Variants in SHFL observed in about 807,000 individuals in gnomAD.
The protein encoded by SHFL is shiftless antiviral inhibitor of ribosomal frameshifting, also known as shiftless antiviral inhibitor of ribosomal frameshifting protein.
In SHFL, 12 loss-of-function variants were observed where a neutral mutation model predicts 34.7. The observed-to-expected ratio is 0.35, with a 90% CI of 0.22 to 0.56. SHFL has a LOEUF of 0.56. SHFL is among the 20% of genes least tolerant of loss of function. The probability of loss-of-function intolerance (pLI) is 0.88; values close to 1 mark genes in which losing one functional copy is unlikely to be tolerated. For synonymous variants in SHFL, 148 were observed against 156.0 expected (o/e 0.95, Z 0.38); for missense variants, 278 against 411.1 (o/e 0.68, Z 2.80).
rs868475159 is a variant in SHFL at position 10,086,857 on chromosome 19, G to A, written c.22-72G>A. On this transcript the variant is annotated intron_variant, in intron 1 of 7. Coordinates refer to ENST00000253110, the MANE Select transcript of SHFL (RefSeq NM_018381.4). The surrounding 1 kb of genome is among the most constrained non-coding windows in gnomAD (Gnocchi z 5.2). ...AGGGTCAAGTTCGGGCCGGGAGAACGGTGCCTAGAGATGGGGGAGGGATGA... is the reference window on the plus strand; with the variant it reads ...AGGGTCAAGTTCGGGCCGGGAGAACAGTGCCTAGAGATGGGGGAGGGATGA... The A allele has an allele frequency of 7.7e-6, 12 of 1,558,556 alleles. No homozygotes were observed. The African/African-American group carries it at 1.5e-4, about 19-fold the overall frequency.
chr19:10,089,483 G>C (rs1225400692), intron 3 of SHFL, 174 bp from the exon 4 acceptor site: 1 of 1,405,894 alleles, frequency 7.1e-7, no homozygotes, highest in Non-Finnish European at 9.9e-7. Context: ...TCTCAGGGCT[G>C]CTATGAGGAC....
rs1480363917 is a variant in SHFL, at chr19:10,091,513, G to A, written c.526G>A (p.Gly176Arg). 1.9e-6 allele frequency: 3 copies of A among 1,547,004 alleles called. No individual in the cohort carries two copies. The highest frequency in any genetic ancestry group is 1.2e-5 in the South Asian group (1 of 83,818). The change falls in exon 7 of 8, where the codon GGG (glycine) becomes AGG (arginine). Residue 176 changes from glycine (G) to arginine (R), a missense_variant. Around this residue, in one of 2 missense-constraint regions of SHFL, gnomAD observed 243 missense variants for 386.2 expected, o/e 0.63. Coordinates refer to ENST00000253110, the MANE Select transcript of SHFL (RefSeq NM_018381.4). This position sits in a 1 kb window ranked among gnomAD's most constrained non-coding sequence, Gnocchi z 8.2. ...AQMGSPSPCYGCGFPVYPTRI... is the reference protein window; with the variant it reads ...AQMGSPSPCYRCGFPVYPTRI... ...GATGGGGTCCCCGTCCCCCTGCTAC[G>A]GGTGCGGCTTCCCCGTGTATCCAAC...
At chr19:10,087,617 G>A (rs1181523396) in intron 3 of SHFL, 2 of 381,596 alleles carry the variant, frequency 5.2e-6, no homozygotes, top group Middle Eastern at 5.2e-4. Context: ...ACTGGAGGAG[G>A]AGGTACCAAG....
intron 3 of SHFL, chr19:10,087,562 G>A: frequency 1.8e-6 from 1 of 555,928 alleles, no homozygotes; most frequent in East Asian, 3.2e-5. Flanking sequence ...AAAGGAGCCA[G>A]GATTATTGCC....
chr19:10,086,817 C>A lies in SHFL; in HGVS notation c.22-112C>A. ...GGGATGAAAGGCGGGGGGGGGGCGG[C>A]GGAGGCCAAAACCAAGGGTCAAGTT... is the stretch of plus-strand genomic sequence containing the variant. On this transcript the variant is annotated intron_variant, in intron 1 of 7. Coordinates refer to ENST00000253110, the MANE Select transcript of SHFL (RefSeq NM_018381.4). This position sits in a 1 kb window ranked among gnomAD's most constrained non-coding sequence, Gnocchi z 5.2. 8.0e-7 allele frequency: 1 copy of A among 1,251,102 alleles called. No homozygotes were observed. The highest frequency in any genetic ancestry group is 1.1e-6 in the Non-Finnish European group (1 of 909,922). The allele number at this position is 1,251,102 out of a possible 1,614,324, so 77.5% of individuals were successfully genotyped here.
At chr19:10,089,147 C>G in intron 3 of SHFL, 1 of 667,208 alleles carries the variant, frequency 1.5e-6, no homozygotes, top group Admixed American at 2.8e-5. Flanking sequence ...TGCCAGCAAG[C>G]AGGGGCAGCT....
Position 10,092,713 on chromosome 19 carries a change from C to A in SHFL, c.*411C>A, listed in dbSNP as rs747825274. The A allele has an allele frequency of 6.2e-7, 1 of 1,613,978 alleles. No homozygotes were observed. The highest frequency in any genetic ancestry group is 1.1e-5 in the South Asian group (1 of 91,078). ...GTAGTGGCCGCCGTGGTGCCACACA[C>A]CGTTGAGGTTGGAGTGGGCACAGGC... On this transcript the variant is annotated 3_prime_UTR_variant, in exon 8 of 8. Transcript: ENST00000253110.
In SHFL at chr19:10,087,036, G is replaced by C; in HGVS notation, c.129G>C (p.Gly43=). 1.2e-6 allele frequency: 2 copies of C among 1,612,180 alleles called. No individual in the cohort carries two copies. The highest frequency in any genetic ancestry group is 1.7e-4 in the Middle Eastern group (1 of 6,050). ...TCGGCAGCGACCACACGGGAGTGGG[G>C]CGCTCCATCGTGTACGGTGAGGCTG... is the stretch of plus-strand genomic sequence containing the variant. ...RKFGSDHTGV[G]RSIVYGVKQK... The change falls in exon 2 of 8, where the codon GGG becomes GGC. Residue 43 remains glycine, a synonymous_variant. Transcript: ENST00000253110.
chr19:10,092,271 T>G lies in SHFL; in HGVS notation c.845T>G (p.Val282Gly), dbSNP rs1599278940. Residue 282 changes from valine (V) to glycine (G), a missense_variant, in exon 8 of 8, where the codon GTG becomes GGG. Physicochemically the swap from Val to Gly is moderately radical, Grantham distance 109. This residue lies in a region of SHFL where 35 missense variants were observed against 24.9 expected (regional missense o/e 1.41). Coordinates refer to ENST00000253110, the MANE Select transcript of SHFL (RefSeq NM_018381.4). ...GAGGAGGAGGAGGAAGAGGAGGAGG[T>G]GGAGGACGAGGAGGGCGGGCCCAGG... Reference protein sequence around the residue: ...LKEEEEEEEEVEDEEGGPRE With the variant: ...LKEEEEEEEEGEDEEGGPRE 2 of 1,597,624 alleles carry G rather than the reference T, an allele frequency of 1.3e-6. No homozygotes were observed. Among genetic ancestry groups the G allele is most frequent in the Non-Finnish European group, 1.7e-6 (2 of 1,172,542 alleles).
rs966736189 is a variant in SHFL at position 10,091,796 on chromosome 19, G to A, written c.643+166G>A. 4 of 1,098,670 alleles carry A rather than the reference G, an allele frequency of 3.6e-6. No homozygotes were observed. In the Admixed American group the frequency reaches 8.8e-5, roughly 24 times the overall value. 68.1% of individuals were successfully genotyped at this position (1,098,670 alleles called of 1,614,324 possible). A position where few individuals can be genotyped will look rare whatever the true frequency, so the allele number is the denominator to read the frequency against. On this transcript the variant is annotated intron_variant, in intron 7 of 7. Transcript: ENST00000253110. This position sits in a 1 kb window ranked among gnomAD's most constrained non-coding sequence, Gnocchi z 8.2. ...CGTGGTCTTGCCCAGGAGGCTCTGA[G>A]GTTTCACCCCAGTGGCCCGTGCCTG...
In SHFL at chr19:10,091,454, T is replaced by C; in HGVS notation, c.489-22T>C. On this transcript the variant is annotated intron_variant, in intron 6 of 7. Coordinates refer to ENST00000253110, the MANE Select transcript of SHFL (RefSeq NM_018381.4). The surrounding 1 kb of genome is among the most constrained non-coding windows in gnomAD (Gnocchi z 8.2). ...CTGGCCCAGCCTCGCCCTCGGACCCTCACAGCCCTGCCCGCCCCCAGGGGC... is the reference window on the plus strand; with the variant it reads ...CTGGCCCAGCCTCGCCCTCGGACCCCCACAGCCCTGCCCGCCCCCAGGGGC... The C allele has an allele frequency of 8.1e-7, 1 of 1,238,660 alleles. No homozygotes were observed. The highest frequency in any genetic ancestry group is 1.0e-6 in the Non-Finnish European group (1 of 958,196). 76.7% of individuals were successfully genotyped at this position (1,238,660 alleles called of 1,614,324 possible). A position where few individuals can be genotyped will look rare whatever the true frequency, so the allele number is the denominator to read the frequency against.
Position 10,092,199 on chromosome 19 carries a change from G to T in SHFL, c.773G>T (p.Gly258Val). The T allele has an allele frequency of 6.2e-7, 1 of 1,613,674 alleles. No individual in the cohort carries two copies. Among genetic ancestry groups the T allele is most frequent in the Non-Finnish European group, 8.5e-7 (1 of 1,179,732 alleles). The change falls in exon 8 of 8, where the codon GGT becomes GTT. Residue 258 changes from glycine (G) to valine (V), a missense_variant. By Grantham distance (109) the Gly-to-Val change is moderately radical (BLOSUM62 -3). Around this residue, in one of 2 missense-constraint regions of SHFL, gnomAD observed 243 missense variants for 386.2 expected, o/e 0.63. Coordinates refer to ENST00000253110, the MANE Select transcript of SHFL (RefSeq NM_018381.4). The stretch of plus-strand genomic sequence containing the variant: ...ACTGTGGCCACCTGCTTGAGCCAGG[G>T]TGGCCTCCTGGAAGACCTGGACAAC... ...GSTVATCLSQ[G>V]GLLEDLDNLI...
In SHFL at chr19:10,089,740, A is replaced by T. The variant is rs920844719; in HGVS notation, c.234+45A>T. 4 of 1,576,550 alleles carry T rather than the reference A, an allele frequency of 2.5e-6. No individual in the cohort carries two copies. The Admixed American group carries it at 5.6e-5, about 22-fold the overall frequency. On this transcript the variant is annotated intron_variant, in intron 4 of 7. Transcript: ENST00000253110. ...TTGGGATGGGGGAGTTGGGAGGGGG[A>T]CATCTGCAGGCACAGAAGGATGTCC...
chr19:10,090,137 T>C, intron 5 of SHFL, 90 bp downstream of exon 5: 1 of 1,399,456 alleles, frequency 7.1e-7, no homozygotes, highest in East Asian at 2.5e-5. Context: ...GACCTAAGGA[T>C]TTCAATCACT....
At chr19:10,087,195 TG>T in intron 2 of SHFL, 55 bp from the exon 3 acceptor site, 1 of 1,609,572 alleles carries the variant, frequency 6.2e-7, no homozygotes. Flanking sequence ...CTGGGTGGCC[TG>T]GAACTCCCAC....
Position 10,092,122 on chromosome 19 carries a change from C to A in SHFL, c.696C>A (p.Asn232Lys), listed in dbSNP as rs765134418. ...SCAHPKSRKQ[N>K]HLPKVLHPSN... ...CTCACCCCAAGAGCCGGAAGCAGAACCACCTGCCCAAAGTGCTCCACCCCA... is the reference window on the plus strand; with the variant it reads ...CTCACCCCAAGAGCCGGAAGCAGAAACACCTGCCCAAAGTGCTCCACCCCA... Residue 232 changes from asparagine to lysine, a missense_variant, in exon 8 of 8, where the codon AAC becomes AAA. Asn to Lys is a moderately conservative substitution (Grantham distance 94). This residue lies in a region of SHFL where 243 missense variants were observed against 386.2 expected (regional missense o/e 0.63). Transcript: ENST00000253110. The A allele has an allele frequency of 1.2e-6, 2 of 1,613,698 alleles. No homozygotes were observed. The highest frequency in any genetic ancestry group is 1.7e-5 in the Admixed American group (1 of 59,914).
Position 10,086,738 on chromosome 19 carries a change from G to T in SHFL, c.22-191G>T, listed in dbSNP as rs1163620037. ...GGCTGGGACGCTCGCCCCAGTCCGCGCCTTCCCCCAACGCCCTGTGGGGAC... is the reference window on the plus strand; with the variant it reads ...GGCTGGGACGCTCGCCCCAGTCCGCTCCTTCCCCCAACGCCCTGTGGGGAC... On this transcript the variant is annotated intron_variant, in intron 1 of 7. Transcript: ENST00000253110. The surrounding 1 kb of genome is among the most constrained non-coding windows in gnomAD (Gnocchi z 5.2). 16 of 706,494 alleles carry T rather than the reference G, an allele frequency of 2.3e-5. No individual in the cohort carries two copies. The highest frequency in any genetic ancestry group is 2.8e-5 in the Non-Finnish European group (12 of 433,146). 43.8% of individuals were successfully genotyped at this position (706,494 alleles called of 1,614,324 possible). A position where few individuals can be genotyped will look rare whatever the true frequency, so the allele number is the denominator to read the frequency against.
Position 10,087,436 on chromosome 19 carries a change from C to G in SHFL, c.195+136C>G, listed in dbSNP as rs2145151324. ...CATTGTCGGTCCATAACTCATCACC[C>G]AATCTCACTTTTTCACCTCTCCATC... On this transcript the variant is annotated intron_variant, in intron 3 of 7. Coordinates refer to ENST00000253110, the MANE Select transcript of SHFL (RefSeq NM_018381.4). 3.4e-6 allele frequency: 3 copies of G among 888,760 alleles called. No homozygotes were observed. In the East Asian group the frequency reaches 7.8e-5, roughly 23 times the overall value. The allele number at this position is 888,760 out of a possible 1,614,324, so 55.1% of individuals were successfully genotyped here. A position where few individuals can be genotyped will look rare whatever the true frequency, so the allele number is the denominator to read the frequency against.
chr19:10,092,245 G>A lies in SHFL; in HGVS notation c.819G>A (p.Lys273=). 1.2e-6 allele frequency: 2 copies of A among 1,607,092 alleles called. No individual in the cohort carries two copies. Among genetic ancestry groups the A allele is most frequent in the Non-Finnish European group, 1.7e-6 (2 of 1,176,728 alleles). ...DLDNLILEDL[K]EEEEEEEEVE... ...ACAACCTCATCCTGGAGGACCTGAAGGAGGAGGAGGAGGAAGAGGAGGAGG... is the reference window on the plus strand; with the variant it reads ...ACAACCTCATCCTGGAGGACCTGAAAGAGGAGGAGGAGGAAGAGGAGGAGG... Residue 273 remains lysine, a synonymous_variant, in exon 8 of 8, where the codon AAG becomes AAA. Transcript: ENST00000253110.
Sources: gnomAD v4.1 joint callset for allele counts on GRCh38, gnomAD v4.1.1 for gene constraint, gnomAD v4.1.1 regional missense constraint, Gnocchi (gnomAD v3.1) non-coding constraint, MANE v1.5 for transcripts, NCBI Gene and HGNC (gene_info 2026-07-23, HGNC 2026-07-21) for gene names.